The following VSTM4 variants were observed in gnomAD, a reference collection of about 807,000 sequenced individuals.
The protein encoded by VSTM4 is V-set and transmembrane domain containing 4, also known as V-set and transmembrane domain-containing protein 4.
In VSTM4, 20 loss-of-function variants were observed where a neutral mutation model predicts 36.4. The observed-to-expected ratio is 0.55, with a 90% confidence interval of 0.39 to 0.80. VSTM4 has a LOEUF of 0.80. Ranked by LOEUF, VSTM4 falls within the 30% of genes least tolerant of loss-of-function variation. VSTM4 has a pLI of 0.00. For synonymous variants in VSTM4, 182 were observed against 173.9 expected (o/e 1.05, Z -0.37); for missense variants, 392 against 404.5 (o/e 0.97, Z 0.26).
intron 2 of VSTM4, among the ~76,000 whole-genome samples, chr10:49,097,521 G>A (rs1405465235): frequency 6.6e-6 from 1 of 152,124 alleles, no homozygotes; most frequent in African/African-American, 2.4e-5. Flanking sequence ...TGCGTAGAGG[G>A]GCAATCAGGC....
At chr10:49,028,813 C>CAGCAA (rs1843301823) in intron 7 of VSTM4, among the ~76,000 whole-genome samples, 1 of 152,208 alleles carries the variant, frequency 6.6e-6, no homozygotes, top group African/African-American at 2.4e-5. Context: ...TTGGGTAATA[C>CAGCAA]CATTATCACA....
chr10:49,048,641 G>T, intron 5 of VSTM4, 57 bp from the exon 6 acceptor site: 1 of 1,448,864 alleles, frequency 6.9e-7, no homozygotes. Flanking sequence ...AAAAGAGAAA[G>T]GAAAAAAAAA....
chr10:49,055,067 A>G (rs867746437), intron 5 of VSTM4, among the ~76,000 whole-genome samples: 10 of 152,158 alleles, frequency 6.6e-5, no homozygotes, highest in Admixed American at 6.5e-5. Flanking sequence ...TCACACTCCA[A>G]AGGGATGTAT....
At chr10:49,073,442 G>A (rs1190761623) in intron 4 of VSTM4, among the ~76,000 whole-genome samples, 1 of 152,226 alleles carries the variant, frequency 6.6e-6, no homozygotes, top group Non-Finnish European at 1.5e-5. Context: ...TAGGACACAG[G>A]GGCTTGATGT....
In VSTM4 at chr10:49,064,752, T is replaced by C; in HGVS notation, c.635-16A>G. ...TAATGTCTCACTGTGAAAGGAAAAA[T>C]AATAGAAGATGGTAAACCAATGCTA... On this transcript the variant is annotated splice_polypyrimidine_tract_variant and intron_variant, in intron 4 of 7. Transcript: ENST00000332853. 6.2e-7 allele frequency: 1 copy of C among 1,611,218 alleles called. No homozygotes were observed. The highest frequency in any genetic ancestry group is 8.5e-7 in the Non-Finnish European group (1 of 1,178,628).
At chr10:49,091,275 C>T (rs1429762895) in intron 2 of VSTM4, among the ~76,000 whole-genome samples, 1 of 152,162 alleles carries the variant, frequency 6.6e-6, no homozygotes, top group African/African-American at 2.4e-5. Context: ...GGCAGTGGCC[C>T]AGATGACAGA....
At chr10:49,037,640 G>A (rs1365455589) in intron 7 of VSTM4, among the ~76,000 whole-genome samples, 1 of 152,036 alleles carries the variant, frequency 6.6e-6, no homozygotes, top group Non-Finnish European at 1.5e-5. Context: ...GGGAATCAAG[G>A]GACACAATTA....
intron 4 of VSTM4, among the ~76,000 whole-genome samples, chr10:49,067,274 T>A (rs1404351220): frequency 6.6e-6 from 1 of 152,242 alleles, no homozygotes; most frequent in African/African-American, 2.4e-5. Context: ...GACCACAACT[T>A]TGCATTCTAA....
intron 1 of VSTM4, 125 bp from the exon 2 acceptor site, chr10:49,108,120 G>T: frequency 7.5e-7 from 1 of 1,336,898 alleles, no homozygotes; most frequent in Non-Finnish European, 9.9e-7. Flanking sequence ...CCTGGCCAGA[G>T]AAGCAGGCGG....
chr10:49,102,161 T>TTTTTTG (rs1844678084), intron 2 of VSTM4: 1 of 18,108 alleles, frequency 5.5e-5, no homozygotes, highest in Non-Finnish European at 9.9e-5. Context: ...TTGTTTTTTG[T>TTTTTTG]TTTTTTTTTT....
intron 7 of VSTM4, among the ~76,000 whole-genome samples, chr10:49,039,784 A>T (rs1843491435): frequency 6.6e-6 from 1 of 152,224 alleles, no homozygotes; most frequent in African/African-American, 2.4e-5. Flanking sequence ...TTCAGGTAAC[A>T]GTCCTGTGTC....
chr10:49,107,531 G>A, intron 2 of VSTM4, 63 bp downstream of exon 2: 2 of 1,530,692 alleles, frequency 1.3e-6, no homozygotes, highest in Non-Finnish European at 1.8e-6. Flanking sequence ...GGTGGTGGCT[G>A]CAAAGGGGGG....
chr10:49,087,714 T>C lies in VSTM4; in HGVS notation c.458-1691A>G, dbSNP rs1425306573. Among the ~76,000 whole-genome samples the C allele has an allele frequency of 2.0e-5, 3 of 152,182 alleles. No homozygotes were observed. In the East Asian group the frequency reaches 5.8e-4, roughly 29 times the overall value. On this transcript the variant is annotated intron_variant, in intron 2 of 7. Transcript: ENST00000332853. ...AAACTAACTCACCTCCTAAACATACTGGTTGTCACTTTCTCCATAGCTTCT... is the reference window on the plus strand; with the variant it reads ...AAACTAACTCACCTCCTAAACATACCGGTTGTCACTTTCTCCATAGCTTCT...
At chr10:49,031,241 G>C (rs903863281) in intron 7 of VSTM4, among the ~76,000 whole-genome samples, 4 of 152,200 alleles carry the variant, frequency 2.6e-5, no homozygotes, top group Non-Finnish European at 5.9e-5. Flanking sequence ...TGCTCTCAGA[G>C]ACAGGAAGAC....
chr10:49,077,462 G>C (rs1844200624), intron 3 of VSTM4, 136 bp from the exon 4 acceptor site: 1 of 732,076 alleles, frequency 1.4e-6, no homozygotes, highest in African/African-American at 1.7e-5. Flanking sequence ...ATTGGTGCAA[G>C]GACAGACACA....
intron 5 of VSTM4, among the ~76,000 whole-genome samples, chr10:49,063,370 A>G (rs779139935): frequency 6.6e-6 from 1 of 152,228 alleles, no homozygotes; most frequent in Non-Finnish European, 1.5e-5. Flanking sequence ...AATTTTTGTC[A>G]GATAATTTCA....
intron 2 of VSTM4, among the ~76,000 whole-genome samples, chr10:49,101,524 A>G (rs1213365967): frequency 1.3e-5 from 2 of 152,256 alleles, no homozygotes; most frequent in Non-Finnish European, 2.9e-5. Flanking sequence ...ACTGTATTGT[A>G]TTGAATATAA....
chr10:49,101,855 T>C (rs753620125), intron 2 of VSTM4, among the ~76,000 whole-genome samples: 2 of 152,218 alleles, frequency 1.3e-5, no homozygotes, highest in Non-Finnish European at 2.9e-5. Context: ...GCGGGAATGA[T>C]TGGATACAGT....
At chr10:49,076,870 C>T (rs1475649580) in intron 4 of VSTM4, among the ~76,000 whole-genome samples, 1 of 152,102 alleles carries the variant, frequency 6.6e-6, no homozygotes. Context: ...ATGAGGAAAC[C>T]CATGTTCAGA....
Sources: gnomAD v4.1 joint callset for allele counts (sites outside exome capture counted in the v4.1 genomes callset) on GRCh38, gnomAD v4.1.1 for gene constraint, MANE v1.5 for transcripts, NCBI Gene and HGNC (gene_info 2026-07-23, HGNC 2026-07-21) for gene names.